Variants in SLAMF1 observed in about 807,000 individuals in gnomAD.
SLAMF1 encodes the protein signaling lymphocytic activation molecule family member 1.
A neutral mutation model predicts 35.1 loss-of-function variants in SLAMF1; 18 were observed. The observed-to-expected ratio is 0.51, with a 90% CI of 0.35 to 0.76. The LOEUF is 0.76. SLAMF1 is among the 30% of genes least tolerant of loss of function. The pLI is 0.01. For synonymous variants in SLAMF1, 168 were observed against 157.2 expected (o/e 1.07, Z -0.51); for missense variants, 392 against 413.0 (o/e 0.95, Z 0.44).
chr1:160,619,974 T>C, intron 4 of SLAMF1, 125 bp from the exon 5 acceptor site: 1 of 718,422 alleles, frequency 1.4e-6, no homozygotes. Context: ...AACAAAGCCC[T>C]GAGTCCCAGC....
In SLAMF1 at chr1:160,637,451, A is replaced by G. The variant is rs201318112; in HGVS notation, c.155T>C (p.Ile52Thr). The G allele has an allele frequency of 4.9e-5, 79 of 1,613,964 alleles. No individual in the cohort carries two copies. Among genetic ancestry groups the G allele is most frequent in the Non-Finnish European group, 1.7e-6 (2 of 1,180,018 alleles). ...GATGCTTTTGTTCATGCTCTTATTT[A>G]TCCTTTCATATGTCAGGGGCAGCAG... ...KVLLPLTYER[I>T]NKSMNKSIHI... The change falls in exon 2 of 7, where the codon ATA becomes ACA. Residue 52 changes from isoleucine (I) to threonine (T), a missense_variant. Ile to Thr is a moderately conservative substitution (Grantham distance 89). Transcript: ENST00000302035.
chr1:160,626,352 C>A (rs1659879066), intron 3 of SLAMF1, among the ~76,000 whole-genome samples: 1 of 152,190 alleles, frequency 6.6e-6, no homozygotes, highest in Non-Finnish European at 1.5e-5. Context: ...CAGGACATGA[C>A]AACGCCGGCC....
At chr1:160,611,887 G>C (rs1478481449) in intron 6 of SLAMF1, among the ~76,000 whole-genome samples, 2 of 152,174 alleles carry the variant, frequency 1.3e-5, no homozygotes, top group Non-Finnish European at 2.9e-5. Context: ...CTGGACTCCA[G>C]CTGCTGTTCT....
chr1:160,624,158 C>T lies in SLAMF1; in HGVS notation c.728G>A (p.Gly243Glu), dbSNP rs781520680. The T allele has an allele frequency of 2.4e-5, 39 of 1,610,514 alleles. No individual in the cohort carries two copies. Among genetic ancestry groups the T allele is most frequent in the Non-Finnish European group, 3.1e-5 (36 of 1,178,646 alleles). The change falls in exon 4 of 7, where the codon GGG becomes GAG. Residue 243 changes from glycine (G) to glutamate (E), a missense_variant. Transcript: ENST00000302035. ...AATCATGATGACACCCCCTAACAGC[C>T]CAGCATACACTGCCCATGGTTTTGT... ...SETKPWAVYA[G>E]LLGGVIMILI...
intron 1 of SLAMF1, among the ~76,000 whole-genome samples, chr1:160,643,610 T>C (rs574167908): frequency 1.1e-4 from 17 of 152,352 alleles, no homozygotes; most frequent in African/African-American, 3.8e-4. Context: ...ATCTCTGATT[T>C]CTTCTCTGCC....
rs1570974645 is a variant in SLAMF1, at chr1:160,619,843, G to A, written c.797C>T (p.Thr266Met). 8 of 1,608,430 alleles carry A rather than the reference G, an allele frequency of 5.0e-6. No homozygotes were observed. Among genetic ancestry groups the A allele is most frequent in the Non-Finnish European group, 6.0e-6 (7 of 1,174,902 alleles). ...TTCCACTGTTGTCTGGTAATGGTTC[G>A]TTTTACCTGGTGAAAAGAAACCATA... is the stretch of plus-strand genomic sequence containing the variant. Reference protein sequence around the residue: ...VILQLRRRGKTNHYQTTVEKK... With the variant: ...VILQLRRRGKMNHYQTTVEKK... The change falls in exon 5 of 7, where the codon ACG (threonine) becomes ATG (methionine). Residue 266 changes from threonine (T) to methionine (M), a missense_variant. By Grantham distance (81) the Thr-to-Met change is moderately conservative. Coordinates refer to ENST00000302035, the MANE Select transcript of SLAMF1 (RefSeq NM_003037.5).
At chr1:160,630,135 T>A (rs1215237396) in intron 3 of SLAMF1, among the ~76,000 whole-genome samples, 2 of 152,158 alleles carry the variant, frequency 1.3e-5, no homozygotes, top group Admixed American at 1.3e-4. Context: ...CACAGCCATA[T>A]CTATTTCAGA....
At chr1:160,637,692 C>T (rs1485524158) in intron 1 of SLAMF1, among the ~76,000 whole-genome samples, 163 bp from the exon 2 acceptor site, 1 of 152,154 alleles carries the variant, frequency 6.6e-6, no homozygotes, top group Admixed American at 6.5e-5. Context: ...TGAGGATCCC[C>T]ACTATATTCT....
At chr1:160,630,706 C>A (rs994664473) in intron 3 of SLAMF1, among the ~76,000 whole-genome samples, 1 of 152,162 alleles carries the variant, frequency 6.6e-6, no homozygotes, top group African/African-American at 2.4e-5. Flanking sequence ...TTCTTCCCCA[C>A]TTCCCTGCCC....
chr1:160,612,191 C>T (rs1232163445), intron 6 of SLAMF1, among the ~76,000 whole-genome samples: 1 of 151,890 alleles, frequency 6.6e-6, no homozygotes, highest in Non-Finnish European at 1.5e-5. Context: ...CTGTGGCCTC[C>T]CTTCCCCAGT....
At position 160,610,933 on chromosome 1, in the gene SLAMF1, G is replaced by C. The variant is rs551821654; in HGVS notation, c.958-135C>G. The C allele has an allele frequency of 1.1e-3, 737 of 701,664 alleles. 12 individuals are homozygous for C. The South Asian group carries it at 0.012, about 12-fold the overall frequency. 43.5% of individuals were successfully genotyped at this position (701,664 alleles called of 1,614,324 possible). A position where few individuals can be genotyped will look rare whatever the true frequency, so the allele number is the denominator to read the frequency against. ...TTGTGCAGGGTCTGTCACAGACAGG[G>C]CCTTGCTGGGACAGCACTTGGGTTC... On this transcript the variant is annotated intron_variant, in intron 6 of 6. Transcript: ENST00000302035.
chr1:160,619,900 C>G, intron 4 of SLAMF1, 51 bp from the exon 5 acceptor site: 1 of 1,242,300 alleles, frequency 8.0e-7, no homozygotes. Flanking sequence ...CCAGCAGGAG[C>G]TCCTTACTCA....
intron 3 of SLAMF1, among the ~76,000 whole-genome samples, chr1:160,631,312 C>G (rs1456709206): frequency 3.9e-5 from 6 of 152,226 alleles, no homozygotes; most frequent in Non-Finnish European, 7.3e-5. Flanking sequence ...GGTCCCCTAT[C>G]CCTGCAGGCT....
At chr1:160,646,816 C>T (rs1390799451) in intron 1 of SLAMF1, 54 bp downstream of exon 1, 1 of 982,454 alleles carries the variant, frequency 1.0e-6, no homozygotes, top group East Asian at 2.4e-5. Flanking sequence ...CGAAGATACG[C>T]TGATTCCTGG....
At chr1:160,624,066 A>G (rs930177851) in intron 4 of SLAMF1, 30 bp downstream of exon 4, 14 of 1,437,844 alleles carry the variant, frequency 9.7e-6, no homozygotes, top group East Asian at 2.3e-5. Flanking sequence ...AGAGAGTGTG[A>G]TAAGAATCTA....
intron 5 of SLAMF1, among the ~76,000 whole-genome samples, chr1:160,614,391 T>TAGTG (rs57577598): frequency 0.23 from 34,384 of 151,714 alleles, 4,575 homozygotes; most frequent in Middle Eastern, 0.36. Context: ...CTGGCCAACA[T>TAGTG]AGTGAAACCC....
At chr1:160,612,616 A>G in intron 5 of SLAMF1, 36 bp from the exon 6 acceptor site, 1 of 1,277,504 alleles carries the variant, frequency 7.8e-7, no homozygotes, top group Non-Finnish European at 1.1e-6. Context: ...TTAGCTGAAC[A>G]GAGAGAGCTA....
At chr1:160,614,722 A>G (rs1390684442) in intron 5 of SLAMF1, among the ~76,000 whole-genome samples, 1 of 152,232 alleles carries the variant, frequency 6.6e-6, no homozygotes, top group African/African-American at 2.4e-5. Context: ...GAAGTTTTAG[A>G]AAGGAGAAAA....
At chr1:160,623,861 T>C (rs1659739543) in intron 4 of SLAMF1, among the ~76,000 whole-genome samples, 1 of 152,210 alleles carries the variant, frequency 6.6e-6, no homozygotes, top group Non-Finnish European at 1.5e-5. Flanking sequence ...ATAATGTCTC[T>C]CACATTAGAA....
Sources: allele counts gnomAD v4.1 joint callset (sites outside exome capture counted in the v4.1 genomes callset), GRCh38; gene constraint gnomAD v4.1.1; transcripts MANE v1.5; gene names NCBI Gene and HGNC (gene_info 2026-07-23, HGNC 2026-07-21).